Variants in GRID1 observed in about 807,000 individuals in gnomAD.
The protein encoded by GRID1 is glutamate ionotropic receptor delta type subunit 1.
A neutral mutation model predicts 98.0 loss-of-function variants in GRID1; 28 were observed. The ratio of observed to expected loss-of-function variants is 0.29; its 90% CI spans 0.21 to 0.39. The LOEUF is 0.39. Among genes scored for constraint, GRID1 ranks in the 10% least tolerant of loss-of-function variants. The probability of loss-of-function intolerance (pLI) is 1.00; values close to 1 mark genes in which losing one functional copy is unlikely to be tolerated. For missense variants in GRID1, 1,111 were observed against 1,340.5 expected (o/e 0.83, Z 2.67); for synonymous variants, 553 against 538.5 (o/e 1.03, Z -0.37).
chr10:86,301,946 T>A (rs1847694092), intron 2 of GRID1, among the ~76,000 whole-genome samples: 1 of 152,220 alleles, frequency 6.6e-6, no homozygotes, highest in Non-Finnish European at 1.5e-5. Context: ...AGGCTATATT[T>A]GCACCCCCAA....
chr10:85,996,526 T>C (rs1418795996), intron 4 of GRID1, among the ~76,000 whole-genome samples: 1 of 152,164 alleles, frequency 6.6e-6, no homozygotes, highest in Admixed American at 6.5e-5. Flanking sequence ...ACATCAATAG[T>C]AATGATTCAG....
At chr10:85,715,474 T>A (rs957169302) in intron 12 of GRID1, among the ~76,000 whole-genome samples, 2 of 152,168 alleles carry the variant, frequency 1.3e-5, no homozygotes, top group Non-Finnish European at 2.9e-5. Context: ...AATAATGTGC[T>A]AATATCCAAA....
chr10:85,670,621 G>A (rs1841074266), intron 12 of GRID1, among the ~76,000 whole-genome samples: 1 of 152,084 alleles, frequency 6.6e-6, no homozygotes, highest in Non-Finnish European at 1.5e-5. Context: ...GTTGCTTGAA[G>A]CCCCCTCATC....
intron 2 of GRID1, among the ~76,000 whole-genome samples, chr10:86,329,787 G>A (rs1848111286): frequency 6.6e-6 from 1 of 152,082 alleles, no homozygotes; most frequent in Non-Finnish European, 1.5e-5. Context: ...CCAACCCCAA[G>A]GACCCAGAGC....
At chr10:85,812,497 A>G (rs999230177) in intron 8 of GRID1, among the ~76,000 whole-genome samples, 3 of 152,106 alleles carry the variant, frequency 2.0e-5, no homozygotes, top group African/African-American at 7.2e-5. Flanking sequence ...CCTCTTGGAG[A>G]TAGCAATGAT....
At chr10:86,355,824 GAGATGCGTGGTCTCTGCCCC>G (rs1425038527) in intron 2 of GRID1, among the ~76,000 whole-genome samples, 1 of 152,250 alleles carries the variant, frequency 6.6e-6, no homozygotes, top group African/African-American at 2.4e-5. Flanking sequence ...CAATGGCAGA[GAGATGCGTGGTCTCTGCCCC>G]AGCCCACTGC....
intron 5 of GRID1, among the ~76,000 whole-genome samples, chr10:85,892,254 T>TGA (rs377312782): frequency 1.3e-4 from 18 of 143,278 alleles, no homozygotes; most frequent in Admixed American, 6.9e-4. Flanking sequence ...AGAGCATTAG[T>TGA]GAGAATAGAA....
intron 4 of GRID1, among the ~76,000 whole-genome samples, chr10:85,934,160 C>T (rs1246554961): frequency 6.6e-6 from 1 of 152,052 alleles, no homozygotes; most frequent in East Asian, 1.9e-4. Flanking sequence ...CTGGAGGGAC[C>T]TCTGACGGGA....
intron 5 of GRID1, among the ~76,000 whole-genome samples, 166 bp from the exon 6 acceptor site, chr10:85,869,346 T>C (rs890885668): frequency 1.3e-5 from 2 of 152,214 alleles, no homozygotes; most frequent in African/African-American, 4.8e-5. Flanking sequence ...CAAATAATAC[T>C]TGCTATCCCT....
At chr10:85,612,086 C>T (rs1842738256) in intron 15 of GRID1, among the ~76,000 whole-genome samples, 1 of 152,164 alleles carries the variant, frequency 6.6e-6, no homozygotes, top group African/African-American at 2.4e-5. Flanking sequence ...AGTGTCCTTC[C>T]AGGGAAGAGA....
chr10:86,160,975 C>A (rs921639458), intron 3 of GRID1, among the ~76,000 whole-genome samples: 1 of 152,244 alleles, frequency 6.6e-6, no homozygotes, highest in Admixed American at 6.5e-5. Context: ...CTCTCAGCAT[C>A]TGTTTGGGTG....
intron 4 of GRID1, among the ~76,000 whole-genome samples, chr10:86,053,367 T>G (rs189108433): frequency 0.047 from 2,427 of 52,184 alleles, 43 homozygotes; most frequent in East Asian, 0.07. Context: ...TGTTTTTTTG[T>G]TTTTTTTTGA....
chr10:86,250,177 C>T (rs956301900), intron 2 of GRID1, among the ~76,000 whole-genome samples: 26 of 152,296 alleles, frequency 1.7e-4, no homozygotes, highest in Admixed American at 5.2e-4. Flanking sequence ...GGGGACATTG[C>T]TTCCAGTGGC....
At chr10:85,771,927 A>G (rs1253010348) in intron 8 of GRID1, among the ~76,000 whole-genome samples, 3 of 152,194 alleles carry the variant, frequency 2.0e-5, no homozygotes, top group Non-Finnish European at 2.9e-5. Context: ...ACAGAAAGTT[A>G]ACAAGGATAC....
At chr10:85,820,095 CAGGAAGGA>C in intron 8 of GRID1, among the ~76,000 whole-genome samples, 1 of 88,890 alleles carries the variant, frequency 1.1e-5, no homozygotes, top group Non-Finnish European at 2.2e-5. Context: ...GGCAGGCAGG[CAGGAAGGA>C]AGGGAGGAAG....
At chr10:86,357,241 G>A (rs1848545265) in intron 2 of GRID1, among the ~76,000 whole-genome samples, 1 of 152,224 alleles carries the variant, frequency 6.6e-6, no homozygotes, top group African/African-American at 2.4e-5. Flanking sequence ...AGGGCTCAGA[G>A]AGCCTAGCTG....
At chr10:85,822,669 C>T (rs1318814089) in intron 8 of GRID1, among the ~76,000 whole-genome samples, 2 of 152,132 alleles carry the variant, frequency 1.3e-5, no homozygotes, top group African/African-American at 4.8e-5. Context: ...ACCATTTGAC[C>T]CAGCCATCCC....
rs768799842 is a variant in GRID1, at chr10:86,206,626, C to T, written c.258G>A (p.Gly86=). ...VQEACDLMTQ[G]ILALVTSTGC... ...CAGTGGACGTGACCAAGGCCAAAAT[C>T]CCCTGGGTCATGAGGTCACAGGCTA... The change falls in exon 3 of 16, where the codon GGG becomes GGA. Residue 86 remains glycine, a synonymous_variant. Coordinates refer to ENST00000327946, the MANE Select transcript of GRID1 (RefSeq NM_017551.3). This position sits in a 1 kb window ranked among gnomAD's most constrained non-coding sequence, Gnocchi z 4.1. The T allele has an allele frequency of 6.8e-5, 110 of 1,613,702 alleles. 1 individual carries two copies. Among genetic ancestry groups the T allele is most frequent in the Non-Finnish European group, 1.9e-5 (23 of 1,179,664 alleles).
intron 4 of GRID1, among the ~76,000 whole-genome samples, chr10:86,094,322 A>T (rs1844190241): frequency 6.6e-6 from 1 of 152,222 alleles, no homozygotes; most frequent in Non-Finnish European, 1.5e-5. Flanking sequence ...CTCCTTTTCA[A>T]CGTAGTACTG....
Sources: allele counts gnomAD v4.1 joint callset (sites outside exome capture counted in the v4.1 genomes callset), GRCh38; gene constraint gnomAD v4.1.1; non-coding constraint Gnocchi (gnomAD v3.1); transcripts MANE v1.5; gene names NCBI Gene and HGNC (gene_info 2026-07-23, HGNC 2026-07-21).